The following STAG2 variants were observed in gnomAD, a reference collection of about 807,000 sequenced individuals.
STAG2 encodes cohesin subunit SA-2.
STAG2 carries 14 observed loss-of-function variants against 108.1 expected under a neutral mutation model. That is an observed-to-expected ratio of 0.13 (90% confidence interval 0.09 to 0.20). STAG2 has a LOEUF of 0.20. STAG2 is among the 10% of genes least tolerant of loss of function. STAG2 has a pLI of 1.00. For missense variants in STAG2, 440 were observed against 940.9 expected (o/e 0.47, Z 6.96); for synonymous variants, 307 against 302.7 (o/e 1.01, Z -0.15).
At chrX:123,965,285 G>A (rs1267020132) in intron 1 of STAG2, among the ~76,000 whole-genome samples, 1 of 112,065 alleles carries the variant, frequency 8.9e-6, no homozygotes, top group African/African-American at 3.2e-5. Flanking sequence ...TTTTATTGTG[G>A]TGAGGCAATA....
chrX:123,997,179 T>A (rs1032858804), intron 1 of STAG2, among the ~76,000 whole-genome samples: 1 of 112,295 alleles, frequency 8.9e-6, no homozygotes, highest in African/African-American at 3.2e-5. Flanking sequence ...TCCAACTTTG[T>A]TCTTTTTCAA....
chrX:124,015,487 C>T (rs1569503491), intron 1 of STAG2, among the ~76,000 whole-genome samples: 1 of 106,428 alleles, frequency 9.4e-6, no homozygotes, highest in Non-Finnish European at 1.9e-5. Flanking sequence ...CGGGTTCAAG[C>T]GATTCTCCTG....
chrX:124,055,875 C>T (rs888771754), intron 13 of STAG2, among the ~76,000 whole-genome samples: 4 of 112,076 alleles, frequency 3.6e-5, no homozygotes, highest in Admixed American at 1.9e-4. Flanking sequence ...TTTCTGTTAG[C>T]ATCCATGTGA....
intron 13 of STAG2, among the ~76,000 whole-genome samples, chrX:124,053,926 G>A (rs966794327): frequency 7.1e-5 from 8 of 112,284 alleles, no homozygotes; most frequent in Non-Finnish European, 1.3e-4. Flanking sequence ...ATTATTGACA[G>A]AAAAGTATGA....
chrX:124,042,550 T>C lies in STAG2; in HGVS notation c.386-19T>C. The C allele has an allele frequency of 8.6e-7, 1 of 1,157,845 alleles. No individual in the cohort carries two copies. The highest frequency in any genetic ancestry group is 3.0e-5 in the East Asian group (1 of 33,562). On this transcript the variant is annotated intron_variant, in intron 6 of 34. Coordinates refer to ENST00000371145, the MANE Select transcript of STAG2 (RefSeq NM_001042750.2). ...TTTTATCACACCATATATTAACTTCTGACATTTGCAAATTTCAGGAGTTGT... is the reference window on the plus strand; with the variant it reads ...TTTTATCACACCATATATTAACTTCCGACATTTGCAAATTTCAGGAGTTGT...
rs144040880 is a variant in STAG2 at position 124,080,741 on chromosome X, A to G, written c.2776-639A>G. Among the ~76,000 whole-genome samples the G allele has an allele frequency of 7.4e-3, 821 of 111,340 alleles. 7 individuals carry two copies. Among genetic ancestry groups the G allele is most frequent in the African/African-American group, 0.025 (770 of 30,618 alleles). On this transcript the variant is annotated intron_variant, in intron 27 of 34. Transcript: ENST00000371145. ...ACATATTTATGGGGTGTACATAGTGATGTTTTGACACAGTGTATAGTTAAC... is the reference window on the plus strand; with the variant it reads ...ACATATTTATGGGGTGTACATAGTGGTGTTTTGACACAGTGTATAGTTAAC...
chrX:124,061,743 C>CTT lies in STAG2; in HGVS notation c.1535-4_1535-3dup, dbSNP rs36097834. 0.035 allele frequency: 16,259 copies of CTT among 464,473 alleles called. 621 individuals are homozygous for CTT. Among genetic ancestry groups the CTT allele is most frequent in the African/African-American group, 0.082 (1,998 of 24,515 alleles). The allele number at this position is 464,473 out of a possible 1,213,427, so 38.3% of individuals were successfully genotyped here. On this transcript the variant is annotated intron_variant, in intron 16 of 34. Coordinates refer to ENST00000371145, the MANE Select transcript of STAG2 (RefSeq NM_001042750.2). ...GAAGAAATAAGCTAACTCTTTCTGACTTTTTTTTTTTTTTTTTTTTTTTTT... is the reference window on the plus strand; with the variant it reads ...GAAGAAATAAGCTAACTCTTTCTGACTTTTTTTTTTTTTTTTTTTTTTTTTTT...
chrX:124,019,917 G>A (rs1241629577), intron 1 of STAG2, among the ~76,000 whole-genome samples: 1 of 112,420 alleles, frequency 8.9e-6, no homozygotes, highest in East Asian at 2.8e-4. Context: ...CAGTGCGGGT[G>A]ACAGAGTAAG....
Position 123,992,407 on chromosome X carries a change from CTT to C in STAG2, c.-162-28959_-162-28958del, listed in dbSNP as rs1393946581. On this transcript the variant is annotated intron_variant, in intron 1 of 34. Coordinates refer to ENST00000371145, the MANE Select transcript of STAG2 (RefSeq NM_001042750.2). Reference sequence around the variant, plus strand: ...ATACTTAATATTTGAATTGAAATCTCTTAAAATTTTTAAATTTTACTTTTTTT... The same window carrying C: ...ATACTTAATATTTGAATTGAAATCTCAAAATTTTTAAATTTTACTTTTTTT... 2.7e-5 allele frequency among the ~76,000 whole-genome samples: 3 copies of C among 111,447 alleles called. No individual in the cohort carries two copies. The East Asian group carries it at 8.3e-4, about 31-fold the overall frequency.
chrX:124,033,940 G>A (rs2057425964), intron 5 of STAG2, among the ~76,000 whole-genome samples: 1 of 111,186 alleles, frequency 9.0e-6, no homozygotes, highest in Non-Finnish European at 1.9e-5. Flanking sequence ...TCCTCACATG[G>A]AAGGGGCAAG....
At chrX:124,029,857 T>C (rs1227419742) in intron 4 of STAG2, among the ~76,000 whole-genome samples, 1 of 111,452 alleles carries the variant, frequency 9.0e-6, no homozygotes, top group Non-Finnish European at 1.9e-5. Context: ...GATTCCGAGT[T>C]AGGGAATGGC....
At chrX:124,053,867 A>G (rs2058113393) in intron 13 of STAG2, among the ~76,000 whole-genome samples, 1 of 112,510 alleles carries the variant, frequency 8.9e-6, no homozygotes, top group African/African-American at 3.2e-5. Flanking sequence ...CTGCAAATCA[A>G]TTAAAGAAAT....
At chrX:124,047,940 C>G (rs2057922676) in intron 9 of STAG2, among the ~76,000 whole-genome samples, 1 of 112,281 alleles carries the variant, frequency 8.9e-6, no homozygotes, top group Non-Finnish European at 1.9e-5. Flanking sequence ...TAATGACTGA[C>G]CACCAAATTC....
At position 124,076,346 on chromosome X, in the gene STAG2, G is replaced by A. The variant is rs765291092; in HGVS notation, c.2548G>A (p.Asp850Asn). 1.7e-6 allele frequency: 2 copies of A among 1,207,755 alleles called. No individual in the cohort carries two copies. Among genetic ancestry groups the A allele is most frequent in the Non-Finnish European group, 2.2e-6 (2 of 894,143 alleles). ...TTTTTCTCCAGATGGTCAGCAAGAG[G>A]ATGAAGCCAGTAAAATTGAAGCTCT... ...DNNSADGQQE[D>N]EASKIEALHK... is the part of the protein sequence containing the mutation. The change falls in exon 26 of 35, where the codon GAT becomes AAT. Residue 850 changes from aspartate (D) to asparagine (N), a missense_variant. Coordinates refer to ENST00000371145, the MANE Select transcript of STAG2 (RefSeq NM_001042750.2).
At chrX:124,072,227 A>G (rs1157154532) in intron 25 of STAG2, among the ~76,000 whole-genome samples, 4 of 111,183 alleles carry the variant, frequency 3.6e-5, no homozygotes, top group Non-Finnish European at 5.7e-5. Flanking sequence ...CTGGTCTTGA[A>G]TTCCTGGTCT....
At chrX:124,088,543 A>G (rs773805196) in intron 30 of STAG2, among the ~76,000 whole-genome samples, 2 of 110,285 alleles carry the variant, frequency 1.8e-5, no homozygotes, top group East Asian at 5.6e-4. Flanking sequence ...TTATTAGAGT[A>G]TTAGCTATTC....
At chrX:124,070,903 A>T (rs1386795153) in intron 24 of STAG2, among the ~76,000 whole-genome samples, 3 of 111,067 alleles carry the variant, frequency 2.7e-5, no homozygotes, top group Admixed American at 9.6e-5. Flanking sequence ...GCTGAAAATT[A>T]AAAAAAATTT....
At chrX:124,025,101 G>A (rs1196139735) in intron 3 of STAG2, among the ~76,000 whole-genome samples, 1 of 111,275 alleles carries the variant, frequency 9.0e-6, no homozygotes, top group African/African-American at 3.3e-5. Context: ...TAGGACTATA[G>A]ATTCATATGT....
rs745444528 is a variant in STAG2, at chrX:123,969,255, G to A, written c.-163+7399G>A. On this transcript the variant is annotated intron_variant, in intron 1 of 34. Coordinates refer to ENST00000371145, the MANE Select transcript of STAG2 (RefSeq NM_001042750.2). ...TGTATTCTTGAATTTTTTGGGGGGG[G>A]AATCATGTGATACATGAAATGGTTT... Among the ~76,000 whole-genome samples, 6 of 110,750 alleles carry A rather than the reference G, an allele frequency of 5.4e-5. No homozygotes were observed. In the East Asian group the frequency reaches 1.7e-3, roughly 31 times the overall value.
Sources: gnomAD v4.1 joint callset for allele counts (sites outside exome capture counted in the v4.1 genomes callset) on GRCh38, gnomAD v4.1.1 for gene constraint, MANE v1.5 for transcripts, NCBI Gene and HGNC (gene_info 2026-07-23, HGNC 2026-07-21) for gene names.